KANK1: variants seen among roughly 807,000 people sequenced by gnomAD.
The protein encoded by KANK1 is KN motif and ankyrin repeat domain-containing protein 1.
KANK1 carries 109 observed loss-of-function variants against 106.2 expected under a neutral mutation model. The observed-to-expected ratio is 1.03, with a 90% confidence interval of 0.88 to 1.20. KANK1 has a LOEUF of 1.20. KANK1 is among the 50% of genes most tolerant of loss of function. KANK1 has a pLI of 0.00. For synonymous variants in KANK1, 873 were observed against 652.2 expected (o/e 1.34, Z -5.16); for missense variants, 2,399 against 1,710.7 (o/e 1.40, Z -7.10).
At chr9:692,303 C>T (rs1343944807) in intron 2 of KANK1, among the ~76,000 whole-genome samples, 1 of 151,380 alleles carries the variant, frequency 6.6e-6, no homozygotes, top group African/African-American at 2.4e-5. Context: ...TGTGAAGACA[C>T]AAAGATTAAA....
At chr9:625,237 T>G (rs140450757) in intron 1 of KANK1, among the ~76,000 whole-genome samples, 158 of 152,350 alleles carry the variant, frequency 1.0e-3, no homozygotes, top group African/African-American at 3.7e-3. Flanking sequence ...AAACATATTT[T>G]TTAGTACAGT....
intron 1 of KANK1, among the ~76,000 whole-genome samples, chr9:540,168 G>A (rs1185261094): frequency 6.6e-6 from 1 of 152,198 alleles, no homozygotes; most frequent in Non-Finnish European, 1.5e-5. Flanking sequence ...TTAGCTACGG[G>A]CATGCCGTAT....
intron 1 of KANK1, among the ~76,000 whole-genome samples, chr9:660,904 C>G (rs1231290266): frequency 6.6e-6 from 1 of 152,152 alleles, no homozygotes; most frequent in East Asian, 1.9e-4. Flanking sequence ...CAGACATGCC[C>G]TAGCTAAGGG....
chr9:721,880 A>T (rs1829433275), intron 3 of KANK1, among the ~76,000 whole-genome samples: 1 of 152,228 alleles, frequency 6.6e-6, no homozygotes, highest in Admixed American at 6.5e-5. Flanking sequence ...CACTCCTCTT[A>T]CCTTGGGGGC....
At chr9:533,949 C>G (rs2060180227) in intron 1 of KANK1, among the ~76,000 whole-genome samples, 1 of 152,188 alleles carries the variant, frequency 6.6e-6, no homozygotes, top group Admixed American at 6.5e-5. Context: ...CTAGCTGACA[C>G]CCCCAGATTT....
intron 2 of KANK1, among the ~76,000 whole-genome samples, chr9:699,464 TGG>T: frequency 6.6e-6 from 1 of 152,246 alleles, no homozygotes; most frequent in Admixed American, 6.5e-5. Context: ...AGGGTAGTGA[TGG>T]GAGACAGTGG....
intron 1 of KANK1, among the ~76,000 whole-genome samples, chr9:560,908 T>C (rs1816250431): frequency 6.6e-6 from 1 of 152,204 alleles, no homozygotes. Flanking sequence ...CCTGGATCAG[T>C]AGCAGCTCTT....
chr9:501,289 C>T (rs376901262), upstream of KANK1, among the ~76,000 whole-genome samples: 5 of 152,250 alleles, frequency 3.3e-5, no homozygotes, highest in South Asian at 4.1e-4. Context: ...GACCAGACAA[C>T]GCACTGACTG....
rs547565034 is a variant in KANK1 at position 482,851 on chromosome 9, A to G, written c.-362+9578A>G. ...ATATGAAACAGAAAATTCCAGAAAT[A>G]ATTCATAAATTTCAAGTTGTCCGTG... On this transcript the variant is annotated intron_variant, in intron 3 of 15. Coordinates refer to the KANK1 transcript ENST00000382303. Among the ~76,000 whole-genome samples the G allele has an allele frequency of 7.8e-5, 6 of 76,728 alleles. No homozygotes were observed. In the South Asian group the frequency reaches 2.5e-3, roughly 33 times the overall value. 50.3% of individuals were successfully genotyped at this position (76,728 alleles called of 152,430 possible).
intron 3 of KANK1, among the ~76,000 whole-genome samples, chr9:717,369 G>C (rs1415435318): frequency 1.3e-5 from 2 of 152,182 alleles, no homozygotes; most frequent in Non-Finnish European, 2.9e-5. Context: ...ACACTCCTGT[G>C]GTAGCCCGCG....
chr9:560,768 A>G (rs897254354), intron 1 of KANK1, among the ~76,000 whole-genome samples: 7 of 126,932 alleles, frequency 5.5e-5, no homozygotes, highest in African/African-American at 1.8e-4. Context: ...TGGATGTCAG[A>G]CATCAGGATA....
At chr9:633,893 C>A (rs1287428378) in intron 1 of KANK1, among the ~76,000 whole-genome samples, 2 of 152,210 alleles carry the variant, frequency 1.3e-5, no homozygotes, top group Non-Finnish European at 2.9e-5. Flanking sequence ...TCAAGTGATC[C>A]TCTGGCCTCA....
chr9:607,060 C>T (rs1443604354), intron 1 of KANK1, among the ~76,000 whole-genome samples: 1 of 151,736 alleles, frequency 6.6e-6, no homozygotes, highest in African/African-American at 2.4e-5. Flanking sequence ...TTGGGTTATT[C>T]TTTAAAACAG....
intron 3 of KANK1, among the ~76,000 whole-genome samples, chr9:719,490 T>C (rs1828728697): frequency 6.6e-6 from 1 of 152,198 alleles, no homozygotes; most frequent in Non-Finnish European, 1.5e-5. Context: ...GCTACACTCT[T>C]CTTTTTTGTG....
intron 2 of KANK1, among the ~76,000 whole-genome samples, chr9:677,888 G>A (rs908298454): frequency 6.6e-6 from 1 of 152,146 alleles, no homozygotes; most frequent in African/African-American, 2.4e-5. Flanking sequence ...GAAATATTGG[G>A]CAGGGCTATT....
chr9:609,116 G>GA (rs1050298321), intron 1 of KANK1, among the ~76,000 whole-genome samples: 5,173 of 143,902 alleles, frequency 0.036, 291 homozygotes, highest in African/African-American at 0.12. Flanking sequence ...AAAGCTGGCT[G>GA]AAAAAAAAAA....
intron 8 of KANK1, among the ~76,000 whole-genome samples, chr9:739,539 C>T (rs955669940): frequency 2.0e-5 from 3 of 152,164 alleles, no homozygotes; most frequent in Non-Finnish European, 4.4e-5. Flanking sequence ...GAAGGAATTT[C>T]AAGCCCCTCC....
chr9:711,494 C>T lies in KANK1; in HGVS notation c.728C>T (p.Pro243Leu), dbSNP rs1826069727. The T allele has an allele frequency of 6.2e-7, 1 of 1,614,174 alleles. No homozygotes were observed. Among genetic ancestry groups the T allele is most frequent in the East Asian group, 2.2e-5 (1 of 44,882 alleles). Reference sequence around the variant, plus strand: ...ATGGGGAGCTCCATCCGCCACAGCCCCCTGAGCTCAGGGATCTCCACCCCA... The same window carrying T: ...ATGGGGAGCTCCATCCGCCACAGCCTCCTGAGCTCAGGGATCTCCACCCCA... Reference protein sequence around the residue: ...SSMGSSIRHSPLSSGISTPVT... With the variant: ...SSMGSSIRHSLLSSGISTPVT... Residue 243 changes from proline to leucine, a missense_variant, in exon 3 of 12, where the codon CCC (proline) becomes CTC (leucine). Transcript: ENST00000382297.
chr9:712,662 T>C lies in KANK1; in HGVS notation c.1896T>C (p.Asp632=), dbSNP rs1826492688. ...AAGTGCGGTCTATCGGTTGTGGAGA[T>C]TGTTCTGTTGACGTGACCGTCTGCT... The part of the protein sequence containing the change: ...LKEVRSIGCG[D]CSVDVTVCSP... Residue 632 remains aspartate (D), a synonymous_variant, in exon 3 of 12, where the codon GAT becomes GAC. Coordinates refer to ENST00000382297, the MANE Select transcript of KANK1 (RefSeq NM_015158.5). The C allele has an allele frequency of 6.2e-7, 1 of 1,613,972 alleles. No individual in the cohort carries two copies. The highest frequency in any genetic ancestry group is 8.5e-7 in the Non-Finnish European group (1 of 1,179,984).
Sources: gnomAD v4.1 joint callset for allele counts (sites outside exome capture counted in the v4.1 genomes callset) on GRCh38, gnomAD v4.1.1 for gene constraint, MANE v1.5 for transcripts, NCBI Gene and HGNC (gene_info 2026-07-23, HGNC 2026-07-21) for gene names.